The following FSTL4 variants were observed in gnomAD, a reference collection of about 807,000 sequenced individuals.
FSTL4 encodes follistatin-related protein 4.
A neutral mutation model predicts 78.2 loss-of-function variants in FSTL4; 28 were observed. That is an observed-to-expected ratio of 0.36 (90% CI 0.27 to 0.49). The LOEUF (loss-of-function observed/expected upper bound fraction) is 0.49. Ranked by LOEUF, FSTL4 falls within the 20% of genes least tolerant of loss-of-function variation. The pLI is 0.98. For synonymous variants in FSTL4, 422 were observed against 440.5 expected, an observed-to-expected ratio of 0.96 and a Z score of 0.53; for missense variants, 922 against 1,084.9, an observed-to-expected ratio of 0.85 and a Z score of 2.11.
the FSTL4 span, among the ~76,000 whole-genome samples, chr5:133,820,189 A>G: frequency 6.6e-6 from 1 of 152,254 alleles, no homozygotes; most frequent in Admixed American, 6.5e-5. Flanking sequence ...CCTTCCCCAC[A>G]GAGCAGCACA....
intron 3 of FSTL4, among the ~76,000 whole-genome samples, chr5:133,402,859 C>T (rs527672446): frequency 3.3e-5 from 5 of 152,324 alleles, no homozygotes; most frequent in East Asian, 1.9e-4. Flanking sequence ...GCTAATTGTT[C>T]GCATGTCACC....
the FSTL4 span, among the ~76,000 whole-genome samples, chr5:133,806,066 AT>A: frequency 1.3e-5 from 2 of 152,274 alleles, no homozygotes; most frequent in African/African-American, 4.8e-5. Flanking sequence ...TTTATTTTCT[AT>A]TCCAAAAATC....
At chr5:133,781,211 G>A in the FSTL4 span, among the ~76,000 whole-genome samples, 27 of 152,168 alleles carry the variant, frequency 1.8e-4, no homozygotes, top group African/African-American at 2.9e-4. Flanking sequence ...TGCAAACTAC[G>A]CAGGCTATTT....
At chr5:133,713,133 TA>T in the FSTL4 span, among the ~76,000 whole-genome samples, 4 of 152,048 alleles carry the variant, frequency 2.6e-5, no homozygotes, top group East Asian at 7.7e-4. Flanking sequence ...ACAAAACCCA[TA>T]GTGAAAGGTG....
chr5:133,783,621 G>A, the FSTL4 span, among the ~76,000 whole-genome samples: 2 of 152,210 alleles, frequency 1.3e-5, no homozygotes, highest in African/African-American at 4.8e-5. Flanking sequence ...AAATGACTGA[G>A]AAGGAAAGTC....
At chr5:133,396,688 A>G (rs1298024087) in intron 4 of FSTL4, among the ~76,000 whole-genome samples, 2 of 152,184 alleles carry the variant, frequency 1.3e-5, no homozygotes, top group Non-Finnish European at 2.9e-5. Flanking sequence ...CTAAAGTAAC[A>G]AGACTCAGAG....
At chr5:133,514,334 G>A (rs1356112352) in intron 3 of FSTL4, among the ~76,000 whole-genome samples, 6 of 151,950 alleles carry the variant, frequency 3.9e-5, no homozygotes, top group Non-Finnish European at 8.8e-5. Context: ...AAAACATGAG[G>A]AAATGAGAAG....
chr5:133,476,062 A>G (rs902137460), intron 3 of FSTL4, among the ~76,000 whole-genome samples: 3 of 152,202 alleles, frequency 2.0e-5, no homozygotes, highest in African/African-American at 7.2e-5. Context: ...AGAGAAAAGG[A>G]AAGTAGCAGA....
chr5:133,637,972 AAT>A, the FSTL4 span, among the ~76,000 whole-genome samples: 1 of 151,084 alleles, frequency 6.6e-6, no homozygotes, highest in African/African-American at 2.4e-5. Context: ...TAATAATAAT[AAT>A]AATAAATTAA....
chr5:133,333,252 C>A (rs1419905797), intron 4 of FSTL4, among the ~76,000 whole-genome samples: 1 of 152,246 alleles, frequency 6.6e-6, no homozygotes, highest in Non-Finnish European at 1.5e-5. Flanking sequence ...GTAGTCCAGG[C>A]TCCTCATTTA....
chr5:133,826,302 C>T, the FSTL4 span, among the ~76,000 whole-genome samples: 1 of 152,230 alleles, frequency 6.6e-6, no homozygotes, highest in Admixed American at 6.5e-5. Context: ...CTGAAAATCC[C>T]AGCCTTTGAC....
intron 6 of FSTL4, among the ~76,000 whole-genome samples, chr5:133,310,855 G>T (rs1753761592): frequency 6.6e-6 from 1 of 152,138 alleles, no homozygotes; most frequent in African/African-American, 2.4e-5. Flanking sequence ...CCTGTAACCT[G>T]CCCTAGCTGC....
the FSTL4 span, among the ~76,000 whole-genome samples, chr5:133,691,931 A>T: frequency 6.6e-6 from 1 of 152,192 alleles, no homozygotes; most frequent in South Asian, 2.1e-4. Flanking sequence ...TGTGCAACCT[A>T]TTATATACAA....
chr5:133,737,253 C>T, the FSTL4 span, among the ~76,000 whole-genome samples: 2 of 151,982 alleles, frequency 1.3e-5, no homozygotes, highest in Non-Finnish European at 2.9e-5. Context: ...CCCCTAATCC[C>T]CCCACTACCC....
chr5:133,462,837 T>C (rs897679873), intron 3 of FSTL4, among the ~76,000 whole-genome samples: 1 of 152,106 alleles, frequency 6.6e-6, no homozygotes, highest in Non-Finnish European at 1.5e-5. Context: ...TAAAAATAAT[T>C]TTCCCTACTA....
the FSTL4 span, among the ~76,000 whole-genome samples, chr5:133,827,909 C>T: frequency 1.3e-5 from 2 of 152,090 alleles, no homozygotes; most frequent in Non-Finnish European, 2.9e-5. Flanking sequence ...ACACCCTGTG[C>T]GTCAGTAGCT....
the FSTL4 span, among the ~76,000 whole-genome samples, chr5:133,697,768 CCT>C: frequency 7.2e-5 from 11 of 152,150 alleles, no homozygotes; most frequent in Non-Finnish European, 1.3e-4. Context: ...ACTTTCCCAA[CCT>C]CACGTGAGAC....
chr5:133,642,182 G>T, the FSTL4 span, among the ~76,000 whole-genome samples: 1 of 152,158 alleles, frequency 6.6e-6, no homozygotes, highest in South Asian at 2.1e-4. Context: ...GGTTTTTCTG[G>T]CAAGAATAGT....
At chr5:133,295,466 C>G (rs774392619) in intron 6 of FSTL4, among the ~76,000 whole-genome samples, 7 of 152,148 alleles carry the variant, frequency 4.6e-5, no homozygotes, top group Admixed American at 1.3e-4. Flanking sequence ...TTTGCAAAAG[C>G]CTTCTTGGCC....
Sources: gnomAD v4.1 joint callset for allele counts (sites outside exome capture counted in the v4.1 genomes callset) on GRCh38, gnomAD v4.1.1 for gene constraint, MANE v1.5 for transcripts, NCBI Gene and HGNC (gene_info 2026-07-23, HGNC 2026-07-21) for gene names.